Variants in ACE observed in about 807,000 individuals in gnomAD.
ACE encodes the protein angiotensin I converting enzyme.
ACE carries 122 observed loss-of-function variants against 162.3 expected under a neutral mutation model. The observed-to-expected ratio is 0.75, with a 90% confidence interval of 0.65 to 0.87. The LOEUF (loss-of-function observed/expected upper bound fraction) is 0.87. ACE is among the 40% of genes least tolerant of loss of function. The pLI is 0.00. For synonymous variants in ACE, 796 were observed against 720.6 expected (o/e 1.10, Z -1.68); for missense variants, 1,799 against 1,735.1 (o/e 1.04, Z -0.65).
rs1481921937 is a variant in ACE at position 63,477,190 on chromosome 17, C to T, written c.96C>T (p.Pro32=). Residue 32 remains proline (P), a synonymous_variant, in exon 1 of 25, where the codon CCC becomes CCT. Coordinates refer to ENST00000290866, the MANE Select transcript of ACE (RefSeq NM_000789.4). ...LPPQPALALD[P]GLQPGNFSAD... ...CGCAGCCCGCCCTGGCGTTGGACCC[C>T]GGGCTGCAGCCCGGCAACTTTTCTG... 2 of 1,479,428 alleles carry T rather than the reference C, an allele frequency of 1.4e-6. No individual in the cohort carries two copies. The highest frequency in any genetic ancestry group is 1.8e-6 in the Non-Finnish European group (2 of 1,119,078). The allele number at this position is 1,479,428 out of a possible 1,614,324, so 91.6% of individuals were successfully genotyped here. A position where few individuals can be genotyped will look rare whatever the true frequency, so the allele number is the denominator to read the frequency against.
At position 63,497,532 on chromosome 17, in the gene ACE, G is replaced by C; in HGVS notation, c.*166G>C. The C allele has an allele frequency of 1.4e-6, 1 of 723,748 alleles. No individual in the cohort carries two copies. The highest frequency in any genetic ancestry group is 2.5e-6 in the Non-Finnish European group (1 of 405,710). The allele number at this position is 723,748 out of a possible 1,614,324, so 44.8% of individuals were successfully genotyped here. ...GTCCTCCAGACCACCAGCCGCCCCA[G>C]CCCCTTCTCCCAGCACACGGCTGCC... On this transcript the variant is annotated 3_prime_UTR_variant, in exon 25 of 25. Transcript: ENST00000290866.
intron 1 of ACE, chr17:63,477,692 C>T: frequency 1.7e-6 from 1 of 573,262 alleles, no homozygotes; most frequent in East Asian, 3.1e-5. Context: ...CATCCACCCT[C>T]CACTCGCCCG....
At chr17:63,478,888 C>T in intron 2 of ACE, 119 bp from the exon 3 acceptor site, 1 of 808,584 alleles carries the variant, frequency 1.2e-6, no homozygotes, top group East Asian at 2.7e-5. Flanking sequence ...TGCCCCGGTG[C>T]CACTGAGTGG....
chr17:63,486,805 T>TC, intron 14 of ACE, 90 bp downstream of exon 14: 1 of 1,560,594 alleles, frequency 6.4e-7, no homozygotes, highest in Non-Finnish European at 8.8e-7. Context: ...TGCTTCCTCT[T>TC]CCTCGTTGTA....
chr17:63,486,207 A>C, intron 13 of ACE: 1 of 366,946 alleles, frequency 2.7e-6, no homozygotes, highest in South Asian at 2.5e-5. Flanking sequence ...TGGTGAGCTT[A>C]TTCCCATTTT....
chr17:63,492,547 T>C (rs945076095), intron 19 of ACE, among the ~76,000 whole-genome samples: 3 of 152,170 alleles, frequency 2.0e-5, no homozygotes, highest in Admixed American at 6.5e-5. Flanking sequence ...TGTGGGGTCT[T>C]CCCTTTTATG....
At chr17:63,497,027 C>T (rs983449554) in intron 24 of ACE, 42 bp downstream of exon 24, 47 of 1,594,498 alleles carry the variant, frequency 2.9e-5, no homozygotes, top group Non-Finnish European at 3.9e-5. Flanking sequence ...GTCTTAACCC[C>T]CTCCCCAGGC....
In ACE at chr17:63,488,623, C is replaced by T. The variant is rs767512949; in HGVS notation, c.2306-25C>T. ...AGCAGAGGTGAGCTAAGGGCTGGAG[C>T]TCAAGGCATTCAAACCCCTACCAGA... On this transcript the variant is annotated intron_variant, in intron 15 of 24. Transcript: ENST00000290866. 3.7e-6 allele frequency: 6 copies of T among 1,612,046 alleles called. No homozygotes were observed. The African/African-American group carries it at 8.1e-5, about 22-fold the overall frequency.
chr17:63,483,682 TG>T, intron 10 of ACE, 124 bp downstream of exon 10: 1 of 1,407,084 alleles, frequency 7.1e-7, no homozygotes, highest in Non-Finnish European at 1.0e-6. Context: ...CTCAAAGGCC[TG>T]GAGTTAGAGT....
chr17:63,497,424 A>G lies in ACE; in HGVS notation c.*58A>G. On this transcript the variant is annotated 3_prime_UTR_variant, in exon 25 of 25. Transcript: ENST00000290866. The stretch of plus-strand genomic sequence containing the variant: ...CCTCCCACCAGAGACTGGGATGGGA[A>G]CACTGGTGGGCAGCTGAGGACACAC... 1.4e-6 allele frequency: 2 copies of G among 1,455,754 alleles called. No individual in the cohort carries two copies. Among genetic ancestry groups the G allele is most frequent in the Non-Finnish European group, 1.9e-6 (2 of 1,066,492 alleles). The allele number at this position is 1,455,754 out of a possible 1,614,324, so 90.2% of individuals were successfully genotyped here.
chr17:63,479,980 C>T (rs2049680311), intron 4 of ACE, 68 bp downstream of exon 4: 2 of 1,550,690 alleles, frequency 1.3e-6, no homozygotes, highest in African/African-American at 1.4e-5. Context: ...CCCAGAGTCC[C>T]AGCCCAGAGT....
rs1167765854 is a variant in ACE, at chr17:63,496,472, C to G, written c.3459C>G (p.His1153Gln). 6.2e-7 allele frequency: 1 copy of G among 1,614,212 alleles called. No individual in the cohort carries two copies. The highest frequency in any genetic ancestry group is 8.5e-7 in the Non-Finnish European group (1 of 1,180,050). Residue 1153 changes from histidine (H) to glutamine (Q), a missense_variant, in exon 23 of 25, where the codon CAC becomes CAG. Coordinates refer to ENST00000290866, the MANE Select transcript of ACE (RefSeq NM_000789.4). ...CQAAGHTGPL[H>Q]KCDIYQSKEA... ...CAGCTGGCCACACGGGCCCCCTGCACAAGTGTGACATCTACCAGTCCAAGG... is the reference window on the plus strand; with the variant it reads ...CAGCTGGCCACACGGGCCCCCTGCAGAAGTGTGACATCTACCAGTCCAAGG...
chr17:63,495,419 A>G (rs1190231619), intron 22 of ACE, among the ~76,000 whole-genome samples: 4 of 152,198 alleles, frequency 2.6e-5, no homozygotes, highest in Admixed American at 2.0e-4. Context: ...GGTTCCTGGA[A>G]GCCCAGCAAG....
intron 9 of ACE, 31 bp from the exon 10 acceptor site, chr17:63,483,429 G>A (rs1467764817): frequency 5.0e-6 from 8 of 1,584,230 alleles, no homozygotes; most frequent in Non-Finnish European, 6.1e-6. Flanking sequence ...CAACCTCTAG[G>A]CCCTAAGACA....
intron 5 of ACE, 90 bp from the exon 6 acceptor site, chr17:63,481,001 G>A (rs2049698487): frequency 7.7e-7 from 1 of 1,301,034 alleles, no homozygotes; most frequent in African/African-American, 1.5e-5. Flanking sequence ...CAGGGTACAG[G>A]TGCCGGCCCC....
In ACE at chr17:63,477,202, C is replaced by G. The variant is rs776799364; in HGVS notation, c.108C>G (p.Pro36=). 6.7e-7 allele frequency: 1 copy of G among 1,488,302 alleles called. No homozygotes were observed. The highest frequency in any genetic ancestry group is 8.9e-7 in the Non-Finnish European group (1 of 1,123,462). The allele number at this position is 1,488,302 out of a possible 1,614,324, so 92.2% of individuals were successfully genotyped here. A position where few individuals can be genotyped will look rare whatever the true frequency, so the allele number is the denominator to read the frequency against. The change falls in exon 1 of 25, where the codon CCC becomes CCG. Residue 36 remains proline, a synonymous_variant. Coordinates refer to ENST00000290866, the MANE Select transcript of ACE (RefSeq NM_000789.4). ...TGGCGTTGGACCCCGGGCTGCAGCCCGGCAACTTTTCTGCTGACGAGGCCG... is the reference window on the plus strand; with the variant it reads ...TGGCGTTGGACCCCGGGCTGCAGCCGGGCAACTTTTCTGCTGACGAGGCCG... The part of the protein sequence containing the change: ...PALALDPGLQ[P]GNFSADEAGA...
intron 22 of ACE, 103 bp from the exon 23 acceptor site, chr17:63,496,291 T>G: frequency 6.4e-7 from 1 of 1,568,484 alleles, no homozygotes; most frequent in African/African-American, 1.3e-5. Context: ...TGTGCGCATG[T>G]GACTTAGCAC....
chr17:63,490,405 A>C (rs979763363), intron 17 of ACE: 3 of 188,420 alleles, frequency 1.6e-5, no homozygotes, highest in Non-Finnish European at 2.2e-5. Context: ...TGCGGAGGGG[A>C]CATGGCAGAG....
chr17:63,483,280 T>A, intron 9 of ACE, 107 bp downstream of exon 9: 1 of 1,578,238 alleles, frequency 6.3e-7, no homozygotes, highest in Non-Finnish European at 8.7e-7. Context: ...TCTCTAATGA[T>A]GTCCCCCGCT....
Sources: allele counts gnomAD v4.1 joint callset (sites outside exome capture counted in the v4.1 genomes callset), GRCh38; gene constraint gnomAD v4.1.1; transcripts MANE v1.5; gene names NCBI Gene and HGNC (gene_info 2026-07-23, HGNC 2026-07-21).